NAXD: variants seen among roughly 807,000 people sequenced by gnomAD.
NAXD encodes the protein NAD(P)HX dehydratase, also known as ATP-dependent (S)-NAD(P)H-hydrate dehydratase.
NAXD carries 22 observed loss-of-function variants against 35.8 expected under a neutral mutation model. The observed-to-expected ratio is 0.62, with a 90% CI of 0.44 to 0.88. The LOEUF (loss-of-function observed/expected upper bound fraction) is 0.88, where lower values mean the gene tolerates loss of function less well. Among genes scored for constraint, NAXD ranks in the 40% least tolerant of loss-of-function variants. The probability of loss-of-function intolerance (pLI) is 0.00; values close to 1 mark genes in which losing one functional copy is unlikely to be tolerated. For missense variants in NAXD, 428 were observed against 437.7 expected (o/e 0.98, Z 0.20); for synonymous variants, 189 against 177.6 (o/e 1.06, Z -0.51).
At position 110,628,364 on chromosome 13, in the gene NAXD, C is replaced by T. The variant is rs1886575161; in HGVS notation, c.441+817C>T. 1.3e-5 allele frequency among the ~76,000 whole-genome samples: 2 copies of T among 152,150 alleles called. No homozygotes were observed. The highest frequency in any genetic ancestry group is 2.4e-5 in the African/African-American group (1 of 41,446). ...CCACAGGGTGCTCACATGTGCAAGG[C>T]GTGGTGACTGCATGGGGATCAGAGG... is the stretch of plus-strand genomic sequence containing the variant. On this transcript the variant is annotated intron_variant, in intron 5 of 9. Coordinates refer to ENST00000680254, the MANE Select transcript of NAXD (RefSeq NM_001242882.2). This position sits in a 1 kb window ranked among gnomAD's most constrained non-coding sequence, Gnocchi z 4.1.
At chr13:110,615,876 G>GT in intron 1 of NAXD, 2 of 1,039,222 alleles carry the variant, frequency 1.9e-6, no homozygotes, top group Non-Finnish European at 2.5e-6. Context: ...GCGGGGCGGA[G>GT]TAGGGAGAGG....
At chr13:110,625,907 G>A (rs1251505111) in intron 4 of NAXD, among the ~76,000 whole-genome samples, 1 of 152,204 alleles carries the variant, frequency 6.6e-6, no homozygotes, top group East Asian at 1.9e-4. Context: ...GTCAGGTGGT[G>A]AAGGAACCGT....
At chr13:110,621,010 G>A (rs1345402762) in intron 1 of NAXD, among the ~76,000 whole-genome samples, 1 of 152,190 alleles carries the variant, frequency 6.6e-6, no homozygotes, top group African/African-American at 2.4e-5. Context: ...AACACAGGAA[G>A]CTCTTCAAGA....
In NAXD at chr13:110,634,680, G is replaced by A. The variant is rs746709164; in HGVS notation, c.501G>A (p.Leu167=). Residue 167 remains leucine, a synonymous_variant, in exon 7 of 10, where the codon CTG becomes CTA. Coordinates refer to ENST00000680254, the MANE Select transcript of NAXD (RefSeq NM_001242882.2). ...CTCCTTGTTCTGTGCAGGATGGCCTGTGGCTGGTCGCTCAGCAGCCGGCCC... is the reference window on the plus strand; with the variant it reads ...CTCCTTGTTCTGTGCAGGATGGCCTATGGCTGGTCGCTCAGCAGCCGGCCC... ...DIPVVIDADG[L]WLVAQQPALI... 31 of 1,614,038 alleles carry A rather than the reference G, an allele frequency of 1.9e-5. No homozygotes were observed. Among genetic ancestry groups the A allele is most frequent in the South Asian group, 1.9e-4 (17 of 91,086 alleles).
chr13:110,629,912 C>A (rs2139643990), intron 5 of NAXD, among the ~76,000 whole-genome samples: 1 of 152,330 alleles, frequency 6.6e-6, no homozygotes, highest in African/African-American at 2.4e-5. Context: ...ACTTAGCAGC[C>A]ACTCTAGTGG....
intron 2 of NAXD, among the ~76,000 whole-genome samples, chr13:110,623,903 G>A (rs1886358757): frequency 6.6e-6 from 1 of 151,858 alleles, no homozygotes; most frequent in African/African-American, 2.4e-5. Flanking sequence ...TCAGGAGGCT[G>A]AGGCAGGAGA....
intron 1 of NAXD, among the ~76,000 whole-genome samples, chr13:110,616,738 C>T (rs1886073270): frequency 6.6e-6 from 1 of 152,076 alleles, no homozygotes; most frequent in African/African-American, 2.4e-5. Context: ...TGCTGTTATC[C>T]ACCTTGGTAT....
At position 110,617,058 on chromosome 13, in the gene NAXD, G is replaced by C. The variant is rs529307068; in HGVS notation, c.46+1411G>C. 2.0e-5 allele frequency among the ~76,000 whole-genome samples: 3 copies of C among 152,302 alleles called. No homozygotes were observed. The South Asian group carries it at 6.2e-4, about 32-fold the overall frequency. Reference sequence around the variant, plus strand: ...ATTCACACACCGTGATTAGTAGCAAGATTTTTCATTGCGCTTGGTTGAGGA... The same window carrying C: ...ATTCACACACCGTGATTAGTAGCAACATTTTTCATTGCGCTTGGTTGAGGA... On this transcript the variant is annotated intron_variant, in intron 1 of 9. Coordinates refer to ENST00000680254, the MANE Select transcript of NAXD (RefSeq NM_001242882.2).
intron 1 of NAXD, among the ~76,000 whole-genome samples, chr13:110,621,686 C>T (rs1458453297): frequency 6.8e-6 from 1 of 146,390 alleles, no homozygotes; most frequent in Non-Finnish European, 1.5e-5. Context: ...CAGAGCTAGA[C>T]TCTGTCTCAA....
chr13:110,631,559 G>T (rs1566619492), intron 5 of NAXD, among the ~76,000 whole-genome samples: 2 of 152,142 alleles, frequency 1.3e-5, no homozygotes, highest in East Asian at 3.8e-4. Flanking sequence ...ATTTTCCAGG[G>T]TTTGAATATT....
intron 1 of NAXD, chr13:110,615,898 C>G (rs371909883): frequency 1.3e-6 from 1 of 795,024 alleles, no homozygotes; most frequent in African/African-American, 1.8e-5. Flanking sequence ...CGGAGGCCTC[C>G]TGGAACGGCG....
At position 110,635,542 on chromosome 13, in the gene NAXD, G is replaced by A; in HGVS notation, c.672G>A (p.Thr224=). Residue 224 remains threonine (T), a synonymous_variant, in exon 8 of 10, where the codon ACG becomes ACA. Transcript: ENST00000680254. ...TCAGCCAAGCCCTGGGCAACGTGAC[G>A]GTGGTCCAGAAAGGAGAGCGCGACA... is the stretch of plus-strand genomic sequence containing the variant. ...LRLSQALGNV[T]VVQKGERDIL... 2.5e-6 allele frequency: 4 copies of A among 1,614,170 alleles called. No homozygotes were observed. Among genetic ancestry groups the A allele is most frequent in the Non-Finnish European group, 3.4e-6 (4 of 1,180,038 alleles).
At chr13:110,619,496 G>A (rs1886182184) in intron 1 of NAXD, among the ~76,000 whole-genome samples, 2 of 152,194 alleles carry the variant, frequency 1.3e-5, no homozygotes, top group South Asian at 2.1e-4. Context: ...TGACTAAATT[G>A]TTTTTCTCTG....
intron 5 of NAXD, among the ~76,000 whole-genome samples, chr13:110,629,014 T>C (rs1416777318): frequency 1.3e-5 from 2 of 152,248 alleles, no homozygotes; most frequent in Non-Finnish European, 2.9e-5. Context: ...GGACCTTGCA[T>C]TCTGGTTCCT....
At chr13:110,620,356 C>T (rs1419563162) in intron 1 of NAXD, among the ~76,000 whole-genome samples, 3 of 151,684 alleles carry the variant, frequency 2.0e-5, no homozygotes, top group African/African-American at 7.3e-5. Context: ...CCGAGGTGGG[C>T]AGATCACAAG....
intron 1 of NAXD, 89 bp from the exon 2 acceptor site, chr13:110,622,127 C>A: frequency 9.4e-7 from 1 of 1,066,320 alleles, no homozygotes; most frequent in Non-Finnish European, 1.3e-6. Flanking sequence ...TTCGTAATAA[C>A]TTTGGAGAGG....
chr13:110,625,311 C>G, intron 4 of NAXD, 33 bp downstream of exon 4: 1 of 1,437,502 alleles, frequency 7.0e-7, no homozygotes, highest in Non-Finnish European at 9.8e-7. Flanking sequence ...CTCGTAGGTT[C>G]TCTTTCCCTC....
intron 5 of NAXD, among the ~76,000 whole-genome samples, chr13:110,630,410 CTT>C (rs1435258468): frequency 1.3e-5 from 2 of 151,954 alleles, no homozygotes; most frequent in Non-Finnish European, 2.9e-5. Flanking sequence ...TTTTTATTGA[CTT>C]TTAGGAGTTC....
intron 1 of NAXD, 81 bp from the exon 2 acceptor site, chr13:110,622,135 A>T (rs1268964452): frequency 9.0e-7 from 1 of 1,117,150 alleles, no homozygotes; most frequent in African/African-American, 1.6e-5. Flanking sequence ...AACTTTGGAG[A>T]GGGTTTTGGT....
Sources: allele counts gnomAD v4.1 joint callset (sites outside exome capture counted in the v4.1 genomes callset), GRCh38; gene constraint gnomAD v4.1.1; non-coding constraint Gnocchi (gnomAD v3.1); transcripts MANE v1.5; gene names NCBI Gene and HGNC (gene_info 2026-07-23, HGNC 2026-07-21).